Variants in ABCA5 observed in about 807,000 individuals in gnomAD.
ABCA5 encodes ATP binding cassette subfamily A member 5.
ABCA5 carries 163 observed loss-of-function variants against 206.0 expected under a neutral mutation model. The observed-to-expected ratio is 0.79, with a 90% CI of 0.70 to 0.90. The LOEUF (loss-of-function observed/expected upper bound fraction) is 0.90, where lower values mean the gene tolerates loss of function less well. Ranked by LOEUF, ABCA5 falls within the 40% of genes least tolerant of loss-of-function variation. ABCA5 has a pLI of 0.00. For synonymous variants in ABCA5, 609 were observed against 613.8 expected, an observed-to-expected ratio of 0.99 and a Z score of 0.11; for missense variants, 1,859 against 1,912.9, an observed-to-expected ratio of 0.97 and a Z score of 0.53.
rs1475514924 is a variant in ABCA5 at position 69,302,606 on chromosome 17, A to G, written c.1119+112T>C. On this transcript the variant is annotated intron_variant, in intron 8 of 38. Transcript: ENST00000392676. ...AGAAATCATTTCTTCCTCATGCTAA[A>G]ATTTTAAAATAATTTTTTTGGTAAA... 3 of 655,580 alleles carry G rather than the reference A, an allele frequency of 4.6e-6. No homozygotes were observed. In the East Asian group the frequency reaches 1.0e-4, roughly 23 times the overall value. The allele number at this position is 655,580 out of a possible 1,614,324, so 40.6% of individuals were successfully genotyped here.
At chr17:69,275,780 A>T (rs1250741783) in intron 19 of ABCA5, among the ~76,000 whole-genome samples, 1 of 152,148 alleles carries the variant, frequency 6.6e-6, no homozygotes, top group Non-Finnish European at 1.5e-5. Context: ...GGTATTTGGA[A>T]ATGGGACTTC....
At chr17:69,264,635 T>C (rs2075187871) in intron 24 of ABCA5, 100 bp downstream of exon 24, 7 of 835,328 alleles carry the variant, frequency 8.4e-6, no homozygotes, top group Non-Finnish European at 1.0e-5. Flanking sequence ...TTTAACAAAT[T>C]AATAACCAAA....
In ABCA5 at chr17:69,277,828, T is replaced by C. The variant is rs1248890108; in HGVS notation, c.2407A>G (p.Thr803Ala). 6.4e-7 allele frequency: 1 copy of C among 1,559,738 alleles called. No individual in the cohort carries two copies. Among genetic ancestry groups the C allele is most frequent in the African/African-American group, 1.4e-5 (1 of 72,064 alleles). Reference sequence around the variant, plus strand: ...ATTTCTTCCTCCAGTGGCTGCTGAGTAAATACACTATAATCTATTTGCCAA... The same window carrying C: ...ATTTCTTCCTCCAGTGGCTGCTGAGCAAATACACTATAATCTATTTGCCAA... ...EIDQADYSVF[T>A]QQPLEEEMDS... The change falls in exon 19 of 39, where the codon ACT becomes GCT. Residue 803 changes from threonine to alanine, a missense_variant. Physicochemically the swap from Thr to Ala is moderately conservative, Grantham distance 58. Coordinates refer to ENST00000392676, the MANE Select transcript of ABCA5 (RefSeq NM_172232.4).
intron 18 of ABCA5, among the ~76,000 whole-genome samples, chr17:69,278,158 CA>C (rs2075354414): frequency 6.6e-6 from 1 of 152,022 alleles, no homozygotes; most frequent in African/African-American, 2.4e-5. Flanking sequence ...TGAAAATGAA[CA>C]AACTACTGTA....
At chr17:69,290,684 TA>T (rs1420927806) in intron 12 of ABCA5, among the ~76,000 whole-genome samples, 2 of 152,098 alleles carry the variant, frequency 1.3e-5, no homozygotes, top group East Asian at 3.8e-4. Flanking sequence ...TTTTGTAAAG[TA>T]AAATATTTAT....
At chr17:69,276,290 T>C (rs572593468) in intron 19 of ABCA5, among the ~76,000 whole-genome samples, 260 of 152,284 alleles carry the variant, frequency 1.7e-3, no homozygotes, top group Non-Finnish European at 2.9e-3. Context: ...AGTTTCACCA[T>C]GTTGGCCAGG....
rs975802913 is a variant in ABCA5, at chr17:69,244,594, G to A, written c.*2943C>T. 1.3e-5 allele frequency: 2 copies of A among 151,510 alleles called. No individual in the cohort carries two copies. Among genetic ancestry groups the A allele is most frequent in the Non-Finnish European group, 3.0e-5 (2 of 67,748 alleles). 9.4% of individuals were successfully genotyped at this position (151,510 alleles called of 1,614,324 possible). ...TAAATTCTTTCATTTTAGGAAATAAGCTATTTCAGGAAAGAAAATAAAAAA... is the reference window on the plus strand; with the variant it reads ...TAAATTCTTTCATTTTAGGAAATAAACTATTTCAGGAAAGAAAATAAAAAA... On this transcript the variant is annotated 3_prime_UTR_variant, in exon 39 of 39. Transcript: ENST00000392676.
At position 69,271,271 on chromosome 17, in the gene ABCA5, A is replaced by G. The variant is rs1327059446; in HGVS notation, c.2783T>C (p.Leu928Pro). The G allele has an allele frequency of 6.2e-7, 1 of 1,612,150 alleles. No homozygotes were observed. The highest frequency in any genetic ancestry group is 8.5e-7 in the Non-Finnish European group (1 of 1,179,232). The change falls in exon 21 of 39, where the codon CTT becomes CCT. Residue 928 changes from leucine to proline, a missense_variant. By Grantham distance (98) the Leu-to-Pro change is moderately conservative. Coordinates refer to ENST00000392676, the MANE Select transcript of ABCA5 (RefSeq NM_172232.4). ...QNSADSDISD[L>P]ISFFTSQNIM... is the part of the protein sequence containing the mutation. ...GTTCTGGCTTGTGAAAAAGCTAATA[A>G]GATCACTGATATCTGAGTCTGGTGT...
chr17:69,318,650 G>A (rs2075837919), intron 1 of ABCA5: 1 of 349,146 alleles, frequency 2.9e-6, no homozygotes, highest in Non-Finnish European at 5.2e-6. Flanking sequence ...CAAAACAAAA[G>A]CAGTCAAGAA....
intron 1 of ABCA5, among the ~76,000 whole-genome samples, chr17:69,320,559 G>GA (rs559303424): frequency 2.2e-4 from 33 of 152,098 alleles, no homozygotes; most frequent in Non-Finnish European, 4.1e-4. Context: ...AAGCCCATCT[G>GA]ATCACTGGTT....
At chr17:69,289,818 G>T in intron 13 of ABCA5, 44 bp downstream of exon 13, 1 of 1,442,674 alleles carries the variant, frequency 6.9e-7, no homozygotes, top group Non-Finnish European at 9.5e-7. Flanking sequence ...AAAGGTTATT[G>T]ATTACAGGAA....
chr17:69,321,127 G>C (rs1225733473), intron 1 of ABCA5, among the ~76,000 whole-genome samples: 1 of 152,172 alleles, frequency 6.6e-6, no homozygotes, highest in Non-Finnish European at 1.5e-5. Context: ...TAGCCTAACA[G>C]GGAGTTAGGG....
rs202220044 is a variant in ABCA5, at chr17:69,260,449, T to A, written c.3565-37A>T. The A allele has an allele frequency of 3.5e-4, 447 of 1,273,732 alleles. 2 individuals carry two copies. The African/African-American group carries it at 4.9e-3, about 14-fold the overall frequency. 78.9% of individuals were successfully genotyped at this position (1,273,732 alleles called of 1,614,324 possible). On this transcript the variant is annotated intron_variant, in intron 26 of 38. Coordinates refer to ENST00000392676, the MANE Select transcript of ABCA5 (RefSeq NM_172232.4). ...AGATTTGAAAATATATACGCTGCAA[T>A]ATGTAGAAATATTTGGATTAAAATG...
At chr17:69,302,656 T>A (rs1222479410) in intron 8 of ABCA5, 62 bp downstream of exon 8, 7 of 1,212,620 alleles carry the variant, frequency 5.8e-6, no homozygotes, top group Non-Finnish European at 7.6e-6. Context: ...CATGGTAGTA[T>A]AAGAAGCTAC....
chr17:69,278,513 G>A (rs370119643), intron 18 of ABCA5, among the ~76,000 whole-genome samples: 13 of 152,190 alleles, frequency 8.5e-5, no homozygotes, highest in African/African-American at 2.6e-4. Context: ...TCTTTGGAAG[G>A]TTTAAGAGCC....
rs1392363677 is a variant in ABCA5 at position 69,251,769 on chromosome 17, T to C, written c.4513A>G (p.Ile1505Val). The C allele has an allele frequency of 4.3e-6, 7 of 1,614,014 alleles. No individual in the cohort carries two copies. In the East Asian group the frequency reaches 1.1e-4, roughly 26 times the overall value. Residue 1505 changes from isoleucine to valine, a missense_variant, in exon 35 of 39, where the codon ATC becomes GTC. Ile to Val is a conservative substitution (Grantham distance 29). Coordinates refer to ENST00000392676, the MANE Select transcript of ABCA5 (RefSeq NM_172232.4). ...AACCTTAACTGCCCAGACACCATGA[T>C]AGCTACTCGATCACAGACAGCCTCT... is the stretch of plus-strand genomic sequence containing the variant. ...EAEAVCDRVA[I>V]MVSGQLRCIG...
chr17:69,292,543 C>G (rs1404495386), intron 11 of ABCA5, among the ~76,000 whole-genome samples: 1 of 152,140 alleles, frequency 6.6e-6, no homozygotes, highest in Non-Finnish European at 1.5e-5. Flanking sequence ...ATTGTGTCAA[C>G]TGCAAATAAT....
intron 19 of ABCA5, among the ~76,000 whole-genome samples, chr17:69,276,934 T>C (rs2075338780): frequency 6.6e-6 from 1 of 152,204 alleles, no homozygotes; most frequent in Non-Finnish European, 1.5e-5. Context: ...AGCATATAAA[T>C]TTAGCATATT....
At chr17:69,303,505 T>C (rs1257002683) in intron 7 of ABCA5, among the ~76,000 whole-genome samples, 1 of 151,176 alleles carries the variant, frequency 6.6e-6, no homozygotes, top group African/African-American at 2.4e-5. Context: ...TAAATAGCCA[T>C]GTGTTTCTGC....
Sources: allele counts gnomAD v4.1 joint callset (sites outside exome capture counted in the v4.1 genomes callset), GRCh38; gene constraint gnomAD v4.1.1; transcripts MANE v1.5; gene names NCBI Gene and HGNC (gene_info 2026-07-23, HGNC 2026-07-21).